The following ERBB4 variants were observed in gnomAD, a reference collection of about 807,000 sequenced individuals.
The protein encoded by ERBB4 is erb-b2 receptor tyrosine kinase 4.
Under a neutral mutation model 158.0 loss-of-function variants are expected in ERBB4, and 42 were observed. That is an observed-to-expected ratio of 0.27 (90% CI 0.21 to 0.34). ERBB4 has a LOEUF of 0.34. Ranked by LOEUF, ERBB4 falls within the 10% of genes least tolerant of loss-of-function variation. The pLI, the probability that ERBB4 is intolerant of heterozygous loss-of-function variation, is 1.00. For synonymous variants in ERBB4, 583 were observed against 558.7 expected, an observed-to-expected ratio of 1.04 and a Z score of -0.61; for missense variants, 1,333 against 1,624.1, an observed-to-expected ratio of 0.82 and a Z score of 3.08.
chr2:212,004,073 A>C (rs2125289709), intron 2 of ERBB4, among the ~76,000 whole-genome samples: 1 of 152,318 alleles, frequency 6.6e-6, no homozygotes, highest in Admixed American at 6.5e-5. Context: ...GTTGCTTAGT[A>C]ATCCAGATAT....
At chr2:212,431,992 C>T (rs929326645) in intron 1 of ERBB4, among the ~76,000 whole-genome samples, 1 of 152,184 alleles carries the variant, frequency 6.6e-6, no homozygotes, top group African/African-American at 2.4e-5. Context: ...AAAATATAAT[C>T]TCTACCAAAT....
Position 212,416,152 on chromosome 2 carries a change from T to C in ERBB4, c.82+122297A>G, listed in dbSNP as rs1025885881. 6.0e-4 allele frequency among the ~76,000 whole-genome samples: 91 copies of C among 152,284 alleles called. No individual in the cohort carries two copies. In the Middle Eastern group the frequency reaches 0.017, roughly 28 times the overall value. On this transcript the variant is annotated intron_variant, in intron 1 of 27. Transcript: ENST00000342788. ...TTGAAGAGACATGAGAGGTAGTTAC[T>C]AAAGCATCTTTCTGTACAAACTAAA...
intron 16 of ERBB4, among the ~76,000 whole-genome samples, chr2:211,650,443 A>G (rs1405677504): frequency 6.6e-6 from 1 of 152,098 alleles, no homozygotes; most frequent in African/African-American, 2.4e-5. Flanking sequence ...CTTCTCCTAT[A>G]GAAGTTTATA....
At chr2:212,524,169 A>AC (rs1251122509) in intron 1 of ERBB4, among the ~76,000 whole-genome samples, 2 of 152,068 alleles carry the variant, frequency 1.3e-5, no homozygotes, top group African/African-American at 4.8e-5. Flanking sequence ...AATTTAAAAA[A>AC]CACATGTCCA....
intron 3 of ERBB4, among the ~76,000 whole-genome samples, chr2:211,905,662 A>ATATAT (rs1278175562): frequency 8.0e-6 from 1 of 124,282 alleles, no homozygotes; most frequent in South Asian, 2.4e-4. Flanking sequence ...ATATATATAT[A>ATATAT]TATATATATA....
intron 3 of ERBB4, among the ~76,000 whole-genome samples, chr2:211,859,648 T>C (rs886270155): frequency 6.6e-6 from 1 of 152,184 alleles, no homozygotes; most frequent in African/African-American, 2.4e-5. Context: ...GTGAAACAAT[T>C]CCCTCGTTTT....
chr2:211,961,972 C>T (rs573559977), intron 2 of ERBB4, among the ~76,000 whole-genome samples: 1 of 152,038 alleles, frequency 6.6e-6, no homozygotes, highest in Non-Finnish European at 1.5e-5. Flanking sequence ...AATTTCTATA[C>T]AAGTAAGAAT....
chr2:211,769,920 G>A (rs1463980171), intron 4 of ERBB4, among the ~76,000 whole-genome samples: 1 of 152,144 alleles, frequency 6.6e-6, no homozygotes, highest in Admixed American at 6.5e-5. Flanking sequence ...TTACTCAAAT[G>A]TTAATTTCTT....
intron 3 of ERBB4, among the ~76,000 whole-genome samples, chr2:211,890,973 C>G (rs2078949796): frequency 9.4e-6 from 1 of 106,632 alleles, no homozygotes; most frequent in South Asian, 3.3e-4. Flanking sequence ...TTTAACACCC[C>G]ACTATCAACA....
chr2:212,138,919 T>C (rs1320714238), intron 1 of ERBB4, among the ~76,000 whole-genome samples: 1 of 152,156 alleles, frequency 6.6e-6, no homozygotes, highest in African/African-American at 2.4e-5. Flanking sequence ...ATTCAGAAAT[T>C]TGATATTATA....
rs532744896 is a variant in ERBB4 at position 212,273,143 on chromosome 2, A to G, written c.83-148240T>C. 2.0e-5 allele frequency among the ~76,000 whole-genome samples: 3 copies of G among 151,906 alleles called. No homozygotes were observed. In the East Asian group the frequency reaches 5.8e-4, roughly 30 times the overall value. On this transcript the variant is annotated intron_variant, in intron 1 of 27. Transcript: ENST00000342788. Reference sequence around the variant, plus strand: ...CCATTTCTGGAAAAAGAAAGAACATAATTTGCCACTCCAGATATATTGCTT... The same window carrying G: ...CCATTTCTGGAAAAAGAAAGAACATGATTTGCCACTCCAGATATATTGCTT...
intron 20 of ERBB4, among the ~76,000 whole-genome samples, chr2:211,524,641 CG>C (rs1405474213): frequency 1.2e-4 from 3 of 24,500 alleles, no homozygotes; most frequent in African/African-American, 1.7e-4. Flanking sequence ...CCTCATTGCC[CG>C]GGGCCGGCAG....
intron 2 of ERBB4, among the ~76,000 whole-genome samples, chr2:212,013,308 C>G (rs528653022): frequency 2.0e-5 from 3 of 152,038 alleles, no homozygotes; most frequent in African/African-American, 7.2e-5. Flanking sequence ...GATTATGCAC[C>G]TTTGAGGAGG....
chr2:212,241,730 T>C (rs2084113672), intron 1 of ERBB4, among the ~76,000 whole-genome samples: 1 of 152,188 alleles, frequency 6.6e-6, no homozygotes, highest in Non-Finnish European at 1.5e-5. Flanking sequence ...ATTGCTTTGG[T>C]AAATCTACCT....
chr2:212,470,094 G>C (rs559817206), intron 1 of ERBB4, among the ~76,000 whole-genome samples: 5 of 151,982 alleles, frequency 3.3e-5, no homozygotes, highest in Admixed American at 1.3e-4. Flanking sequence ...TAAATGTCCG[G>C]TTTGTCTGTT....
chr2:212,508,120 C>T (rs146611556), intron 1 of ERBB4, among the ~76,000 whole-genome samples: 111 of 152,294 alleles, frequency 7.3e-4, no homozygotes, highest in African/African-American at 2.5e-3. Context: ...TGATTGTTAG[C>T]ATTTTTTAGC....
chr2:211,906,142 T>C (rs1205107204), intron 3 of ERBB4, among the ~76,000 whole-genome samples: 3 of 151,994 alleles, frequency 2.0e-5, no homozygotes, highest in African/African-American at 7.2e-5. Context: ...GAAGGCAAGG[T>C]TGGAGGTAGG....
At chr2:211,947,302 A>T (rs2080727528) in intron 3 of ERBB4, 128 bp downstream of exon 3, 4 of 795,568 alleles carry the variant, frequency 5.0e-6, no homozygotes, top group Non-Finnish European at 8.3e-6. Flanking sequence ...TTATAAAACA[A>T]ATAAATCACT....
At chr2:211,409,496 G>A (rs1357346679) in intron 25 of ERBB4, among the ~76,000 whole-genome samples, 1 of 152,120 alleles carries the variant, frequency 6.6e-6, no homozygotes, top group Non-Finnish European at 1.5e-5. Context: ...ACTGAGTCCC[G>A]ATACAGACAT....
Sources: allele counts gnomAD v4.1 joint callset (sites outside exome capture counted in the v4.1 genomes callset), GRCh38; gene constraint gnomAD v4.1.1; transcripts MANE v1.5; gene names NCBI Gene and HGNC (gene_info 2026-07-23, HGNC 2026-07-21).